Variants in GRIN2B observed in about 807,000 individuals in gnomAD.
The protein encoded by GRIN2B is glutamate ionotropic receptor NMDA type subunit 2B.
In GRIN2B, 5 loss-of-function variants were observed where a neutral mutation model predicts 114.5. The ratio of observed to expected loss-of-function variants is 0.04; its 90% CI spans 0.02 to 0.09. GRIN2B has a LOEUF of 0.09. GRIN2B is among the 10% of genes least tolerant of loss of function. The pLI, the probability that GRIN2B is intolerant of heterozygous loss-of-function variation, is 1.00. For synonymous variants in GRIN2B, 787 were observed against 745.1 expected (o/e 1.06, Z -0.92); for missense variants, 1,108 against 1,943.5 (o/e 0.57, Z 8.08).
chr12:13,969,951 C>G (rs1709843014), intron 2 of GRIN2B, among the ~76,000 whole-genome samples: 1 of 152,218 alleles, frequency 6.6e-6, no homozygotes, highest in South Asian at 2.1e-4. Context: ...CTCCCAGATT[C>G]AAGCAATTCT....
chr12:13,833,058 C>A (rs74067112), intron 3 of GRIN2B, among the ~76,000 whole-genome samples: 5,347 of 152,236 alleles, frequency 0.035, 112 homozygotes, highest in Middle Eastern at 0.061. Context: ...GGATGATATA[C>A]AAATGTTCAT....
chr12:13,637,502 T>C (rs1805551), intron 5 of GRIN2B, among the ~76,000 whole-genome samples: 3,134 of 152,246 alleles, frequency 0.021, 110 homozygotes, highest in African/African-American at 0.072. Context: ...AGTGAGATAT[T>C]CCATCACCAG....
chr12:13,823,689 G>T (rs547753223), intron 3 of GRIN2B, among the ~76,000 whole-genome samples: 1 of 152,122 alleles, frequency 6.6e-6, no homozygotes, highest in African/African-American at 2.4e-5. Context: ...CTTTGTATAA[G>T]GCTGAGTGGA....
intron 3 of GRIN2B, among the ~76,000 whole-genome samples, chr12:13,836,085 G>T (rs2284425): frequency 0.23 from 35,086 of 152,180 alleles, 4,485 homozygotes; most frequent in South Asian, 0.31. Flanking sequence ...GATCTGGGCA[G>T]GTTGGGGACT....
At chr12:13,703,349 C>T (rs1950328986) in intron 4 of GRIN2B, among the ~76,000 whole-genome samples, 1 of 152,186 alleles carries the variant, frequency 6.6e-6, no homozygotes, top group Non-Finnish European at 1.5e-5. Context: ...ATTGTCAGCT[C>T]ACAACTTTAT....
chr12:13,703,355 T>A (rs1304770458), intron 4 of GRIN2B, among the ~76,000 whole-genome samples: 1 of 152,186 alleles, frequency 6.6e-6, no homozygotes, highest in Admixed American at 6.5e-5. Flanking sequence ...AGCTCACAAC[T>A]TTATATTTTT....
At chr12:13,707,485 G>A (rs771209659) in intron 4 of GRIN2B, among the ~76,000 whole-genome samples, 5 of 152,094 alleles carry the variant, frequency 3.3e-5, no homozygotes, top group Non-Finnish European at 5.9e-5. Context: ...TTTGCTATAC[G>A]TTTATGTAGT....
Position 13,538,274 on chromosome 12 carries a change from G to A in GRIN2B, c.*24509C>T, listed in dbSNP as rs1000751818. The A allele has an allele frequency of 4.6e-5, 7 of 152,210 alleles. No individual in the cohort carries two copies. The highest frequency in any genetic ancestry group is 8.8e-5 in the Non-Finnish European group (6 of 68,076). 9.4% of individuals were successfully genotyped at this position (152,210 alleles called of 1,614,324 possible). A position where few individuals can be genotyped will look rare whatever the true frequency, so the allele number is the denominator to read the frequency against. ...TGATAGTCCCTTGCAGTGGACTTCAGGGTGGCACAAGGGCATGTAGGACAC... is the reference window on the plus strand; with the variant it reads ...TGATAGTCCCTTGCAGTGGACTTCAAGGTGGCACAAGGGCATGTAGGACAC... On this transcript the variant is annotated 3_prime_UTR_variant, in exon 14 of 14. Transcript: ENST00000609686.
At chr12:13,634,701 T>C (rs1949652092) in intron 5 of GRIN2B, among the ~76,000 whole-genome samples, 3 of 152,184 alleles carry the variant, frequency 2.0e-5, no homozygotes, top group Admixed American at 2.0e-4. Flanking sequence ...ACACATTTTG[T>C]TAAGTACCCA....
rs1332911711 is a variant in GRIN2B, at chr12:13,555,000, A to G, written c.*7783T>C. On this transcript the variant is annotated 3_prime_UTR_variant, in exon 14 of 14. Transcript: ENST00000609686. ...AGTATGTGTATGAAGGAAAAGCAAAAGGTAGGGGCTAAAAGTGAAGATTTG... is the reference window on the plus strand; with the variant it reads ...AGTATGTGTATGAAGGAAAAGCAAAGGGTAGGGGCTAAAAGTGAAGATTTG... 6.6e-6 allele frequency: 1 copy of G among 152,160 alleles called. No homozygotes were observed. The highest frequency in any genetic ancestry group is 1.5e-5 in the Non-Finnish European group (1 of 68,024). 9.4% of individuals were successfully genotyped at this position (152,160 alleles called of 1,614,324 possible). A position where few individuals can be genotyped will look rare whatever the true frequency, so the allele number is the denominator to read the frequency against.
chr12:13,716,342 C>A (rs753107815), intron 4 of GRIN2B, among the ~76,000 whole-genome samples: 8 of 151,458 alleles, frequency 5.3e-5, no homozygotes, highest in Middle Eastern at 3.4e-3. Context: ...CGGAGGATGA[C>A]AGACTTAAAT....
At chr12:13,622,944 T>G (rs1172639581) in intron 5 of GRIN2B, among the ~76,000 whole-genome samples, 2 of 152,208 alleles carry the variant, frequency 1.3e-5, no homozygotes, top group Non-Finnish European at 2.9e-5. Flanking sequence ...ACATTCAAAC[T>G]ACAGCACTAC....
chr12:13,648,185 C>A (rs1949780646), intron 5 of GRIN2B, among the ~76,000 whole-genome samples: 1 of 151,978 alleles, frequency 6.6e-6, no homozygotes, highest in Non-Finnish European at 1.5e-5. Flanking sequence ...CTAGCTCTAT[C>A]TAGTCTATCA....
At chr12:13,911,452 G>C (rs939750855) in intron 2 of GRIN2B, among the ~76,000 whole-genome samples, 1 of 152,096 alleles carries the variant, frequency 6.6e-6, no homozygotes, top group African/African-American at 2.4e-5. Context: ...CTCACCACTT[G>C]GCAAACAGGA....
intron 9 of GRIN2B, among the ~76,000 whole-genome samples, chr12:13,610,600 G>A (rs933429158): frequency 1.3e-5 from 2 of 152,126 alleles, no homozygotes; most frequent in Non-Finnish European, 2.9e-5. Context: ...CAAATTAAAA[G>A]GTAGGTCTGC....
In GRIN2B at chr12:13,742,665, C is replaced by T. The variant is rs575250797; in HGVS notation, c.1010+10652G>A. 7.9e-5 allele frequency among the ~76,000 whole-genome samples: 12 copies of T among 152,208 alleles called. No homozygotes were observed. In the South Asian group the frequency reaches 1.7e-3, roughly 21 times the overall value. ...AGGCTGGTCTCAACCCCCTGACCTCCGGTAATCTGCCTGCCTCGGCCTCCC... is the reference window on the plus strand; with the variant it reads ...AGGCTGGTCTCAACCCCCTGACCTCTGGTAATCTGCCTGCCTCGGCCTCCC... On this transcript the variant is annotated intron_variant, in intron 4 of 13. Transcript: ENST00000609686.
Position 13,552,769 on chromosome 12 carries a change from A to G in GRIN2B, c.*10014T>C, listed in dbSNP as rs992940330. 1.3e-5 allele frequency: 2 copies of G among 152,178 alleles called. No homozygotes were observed. Among genetic ancestry groups the G allele is most frequent in the Admixed American group, 6.5e-5 (1 of 15,280 alleles). 9.4% of individuals were successfully genotyped at this position (152,178 alleles called of 1,614,324 possible). On this transcript the variant is annotated 3_prime_UTR_variant, in exon 14 of 14. Coordinates refer to ENST00000609686, the MANE Select transcript of GRIN2B (RefSeq NM_000834.5). Reference sequence around the variant, plus strand: ...GACCCCATAGGACTTTTGAAAAGCAAAATTATCTCTCTAGACTTATATTTT... The same window carrying G: ...GACCCCATAGGACTTTTGAAAAGCAGAATTATCTCTCTAGACTTATATTTT...
At chr12:13,953,906 G>A (rs1867541107) in intron 2 of GRIN2B, among the ~76,000 whole-genome samples, 1 of 152,122 alleles carries the variant, frequency 6.6e-6, no homozygotes, top group African/African-American at 2.4e-5. Flanking sequence ...AGTATGGGCT[G>A]TTTTCTTCAC....
intron 2 of GRIN2B, among the ~76,000 whole-genome samples, chr12:13,958,249 G>C (rs1418239019): frequency 6.6e-6 from 1 of 152,172 alleles, no homozygotes; most frequent in Non-Finnish European, 1.5e-5. Context: ...TGGCACTGAA[G>C]TGGACTAAAG....
Sources: allele counts gnomAD v4.1 joint callset (sites outside exome capture counted in the v4.1 genomes callset), GRCh38; gene constraint gnomAD v4.1.1; transcripts MANE v1.5; gene names NCBI Gene and HGNC (gene_info 2026-07-23, HGNC 2026-07-21).